The following FAM110C variants were observed in gnomAD, a reference collection of about 807,000 sequenced individuals.
FAM110C encodes protein FAM110C.
FAM110C carries 19 observed loss-of-function variants against 15.7 expected under a neutral mutation model. The ratio of observed to expected loss-of-function variants is 1.21; its 90% CI spans 0.85 to 1.78. The LOEUF is 1.78. Ranked by LOEUF, FAM110C falls within the 40% of genes most tolerant of loss-of-function variation. FAM110C has a pLI of 0.00. For missense variants in FAM110C, 547 were observed against 495.7 expected, an observed-to-expected ratio of 1.10 and a Z score of -0.98; for synonymous variants, 275 against 233.9, an observed-to-expected ratio of 1.18 and a Z score of -1.61.
At chr2:42,189 C>G in intron 1 of FAM110C, 1 of 985,340 alleles carries the variant, frequency 1.0e-6, no homozygotes. Flanking sequence ...CTGGATGTCC[C>G]GGGTTTATTT....
intron 1 of FAM110C, chr2:42,451 G>T (rs1664151584): frequency 8.6e-6 from 3 of 348,054 alleles, no homozygotes; most frequent in Non-Finnish European, 8.1e-6. Context: ...TCTAAATTTT[G>T]ACAAGTCCCT....
intron 1 of FAM110C, chr2:43,655 A>C (rs1408895090): frequency 1.0e-6 from 1 of 985,318 alleles, no homozygotes; most frequent in African/African-American, 1.7e-5. Context: ...TGGAGGGATC[A>C]GAGCAGGCTG....
intron 1 of FAM110C, chr2:42,896 C>T: frequency 1.0e-6 from 1 of 985,420 alleles, no homozygotes; most frequent in South Asian, 4.7e-5. Context: ...AGCTTAAATT[C>T]CTGCTTCCAC....
At chr2:43,714 A>G in intron 1 of FAM110C, 2 of 985,404 alleles carry the variant, frequency 2.0e-6, no homozygotes, top group Non-Finnish European at 2.4e-6. Flanking sequence ...TTTGTATGCC[A>G]CATTATTACC....
intron 1 of FAM110C, chr2:43,935 C>A (rs773286141): frequency 1.6e-4 from 162 of 985,298 alleles, no homozygotes; most frequent in Non-Finnish European, 1.9e-4. Context: ...TATCTCCCTT[C>A]TTTTTATGGA....
At position 45,663 on chromosome 2, in the gene FAM110C, C is replaced by T. The variant is rs756635874; in HGVS notation, c.723G>A (p.Ser241=). ...TGCGCACCTTGAGGGTCACACAGTC[C>T]GACCCCGCGGTGAAGTTCTCCCTCC... ...ALGRENFTAG[S]DCVTLKVRSV... Residue 241 remains serine (S), a synonymous_variant, in exon 1 of 2, where the codon TCG becomes TCA. Transcript: ENST00000327669. 6.2e-7 allele frequency: 1 copy of T among 1,609,690 alleles called. No homozygotes were observed. Among genetic ancestry groups the T allele is most frequent in the South Asian group, 1.1e-5 (1 of 90,568 alleles).
Position 41,267 on chromosome 2 carries a change from A to C in FAM110C, c.*341T>G. The stretch of plus-strand genomic sequence containing the variant: ...TTTTCCTTGATTTAAAAAAAAATCA[A>C]CTTAGATATTGTTAAAATGCATCAC... On this transcript the variant is annotated 3_prime_UTR_variant, in exon 2 of 2. Transcript: ENST00000327669. The C allele has an allele frequency of 3.7e-6, 1 of 270,592 alleles. No homozygotes were observed. Among genetic ancestry groups the C allele is most frequent in the Non-Finnish European group, 6.9e-6 (1 of 145,500 alleles). The allele number at this position is 270,592 out of a possible 1,614,324, so 16.8% of individuals were successfully genotyped here. A position where few individuals can be genotyped will look rare whatever the true frequency, so the allele number is the denominator to read the frequency against.
chr2:44,414 C>G (rs1227624150), intron 1 of FAM110C: 3 of 985,412 alleles, frequency 3.0e-6, no homozygotes, highest in Non-Finnish European at 3.6e-6. Context: ...GCAGCCTCCC[C>G]CAAACTCTAC....
At chr2:44,033 C>T in intron 1 of FAM110C, 11 of 985,448 alleles carry the variant, frequency 1.1e-5, no homozygotes, top group Non-Finnish European at 1.3e-5. Context: ...CCACCAGACA[C>T]TGTCCCTCCA....
chr2:42,846 T>A, intron 1 of FAM110C: 1 of 985,454 alleles, frequency 1.0e-6, no homozygotes, highest in Non-Finnish European at 1.2e-6. Context: ...TTTCAAGAAA[T>A]CCTAAAATGA....
intron 1 of FAM110C, chr2:44,868 C>T: frequency 1.0e-6 from 1 of 985,390 alleles, no homozygotes; most frequent in Non-Finnish European, 1.2e-6. Context: ...TAAGTGAATG[C>T]CAAAGTGCTA....
intron 1 of FAM110C, chr2:43,737 A>G (rs1664192167): frequency 4.1e-6 from 4 of 985,366 alleles, no homozygotes; most frequent in Non-Finnish European, 4.8e-6. Context: ...CCCACTATTT[A>G]TACCACCAAG....
intron 1 of FAM110C, among the ~76,000 whole-genome samples, chr2:42,620 G>C (rs895909789): frequency 6.6e-6 from 1 of 152,198 alleles, no homozygotes; most frequent in African/African-American, 2.4e-5. Flanking sequence ...GATTATACGA[G>C]TCATTGCCCA....
rs974009932 is a variant in FAM110C at position 40,684 on chromosome 2, C to T, written c.*924G>A. On this transcript the variant is annotated 3_prime_UTR_variant, in exon 2 of 2. Transcript: ENST00000327669. ...TGGAGGTGTGAGTCAGATCAAAGGG[C>T]AGGGAAGAGGTCCTGCCTCAGATGC... is the stretch of plus-strand genomic sequence containing the variant. 6.6e-6 allele frequency: 1 copy of T among 152,136 alleles called. No homozygotes were observed. Among genetic ancestry groups the T allele is most frequent in the African/African-American group, 2.4e-5 (1 of 41,426 alleles). 9.4% of individuals were successfully genotyped at this position (152,136 alleles called of 1,614,324 possible). A position where few individuals can be genotyped will look rare whatever the true frequency, so the allele number is the denominator to read the frequency against.
chr2:39,275 T>A lies in FAM110C; in HGVS notation c.*2333A>T, dbSNP rs1304986106. 1 of 152,170 alleles carries A rather than the reference T, an allele frequency of 6.6e-6. No individual in the cohort carries two copies. The highest frequency in any genetic ancestry group is 1.5e-5 in the Non-Finnish European group (1 of 68,030). The allele number at this position is 152,170 out of a possible 1,614,324, so 9.4% of individuals were successfully genotyped here. A position where few individuals can be genotyped will look rare whatever the true frequency, so the allele number is the denominator to read the frequency against. On this transcript the variant is annotated 3_prime_UTR_variant, in exon 2 of 2. Coordinates refer to ENST00000327669, the MANE Select transcript of FAM110C (RefSeq NM_001077710.3). ...TTAGTTTTACTTTTTATATATATTTTTAGAGACAGGGTCTTGCTCTGTCAC... is the reference window on the plus strand; with the variant it reads ...TTAGTTTTACTTTTTATATATATTTATAGAGACAGGGTCTTGCTCTGTCAC...
In FAM110C at chr2:39,340, A is replaced by G. The variant is rs4530399; in HGVS notation, c.*2268T>C. On this transcript the variant is annotated 3_prime_UTR_variant, in exon 2 of 2. Coordinates refer to ENST00000327669, the MANE Select transcript of FAM110C (RefSeq NM_001077710.3). Reference sequence around the variant, plus strand: ...AGTGGTGCAATCATGGTTCACTGCAACCTTGAACCCCAAGGCACAAGTGAT... The same window carrying G: ...AGTGGTGCAATCATGGTTCACTGCAGCCTTGAACCCCAAGGCACAAGTGAT... 28,564 of 152,090 alleles carry G rather than the reference A, an allele frequency of 0.19. 4,208 individuals carry two copies. The highest frequency in any genetic ancestry group is 0.41 in the African/African-American group (16,853 of 41,402). The allele number at this position is 152,090 out of a possible 1,614,324, so 9.4% of individuals were successfully genotyped here.
chr2:43,647 G>T, intron 1 of FAM110C: 1 of 985,404 alleles, frequency 1.0e-6, no homozygotes, highest in Non-Finnish European at 1.2e-6. Flanking sequence ...CCTGGGTCTG[G>T]AGGGATCAGA....
chr2:44,022 T>C (rs1162043914), intron 1 of FAM110C: 1 of 985,264 alleles, frequency 1.0e-6, no homozygotes, highest in Non-Finnish European at 1.2e-6. Flanking sequence ...TAGTGCTCTA[T>C]CCACCAGACA....
Position 46,261 on chromosome 2 carries a change from G to T in FAM110C, c.125C>A (p.Ala42Glu). Reference protein sequence around the residue: ...ARRSAVERLAADRAKYVRGRP... With the variant: ...ARRSAVERLAEDRAKYVRGRP... The stretch of plus-strand genomic sequence containing the variant: ...ACCCCGCACATACTTGGCGCGATCC[G>T]CCGCCAGCCTCTCCACTGCGCTCCT... Residue 42 changes from alanine to glutamate, a missense_variant, in exon 1 of 2, where the codon GCG becomes GAG. Ala to Glu is a moderately radical substitution (Grantham distance 107). Transcript: ENST00000327669. 1 of 1,408,294 alleles carries T rather than the reference G, an allele frequency of 7.1e-7. No homozygotes were observed. The highest frequency in any genetic ancestry group is 1.5e-5 in the South Asian group (1 of 66,352). The allele number at this position is 1,408,294 out of a possible 1,614,324, so 87.2% of individuals were successfully genotyped here.
Sources: gnomAD v4.1 joint callset for allele counts (sites outside exome capture counted in the v4.1 genomes callset) on GRCh38, gnomAD v4.1.1 for gene constraint, MANE v1.5 for transcripts, NCBI Gene and HGNC (gene_info 2026-07-23, HGNC 2026-07-21) for gene names.